Variants in TENM3 observed in about 807,000 individuals in gnomAD.
TENM3 encodes teneurin transmembrane protein 3, also known as teneurin-3.
Under a neutral mutation model 255.1 loss-of-function variants are expected in TENM3, and 63 were observed. That is an observed-to-expected ratio of 0.25 (90% confidence interval 0.20 to 0.30). The LOEUF (loss-of-function observed/expected upper bound fraction) is 0.30, where lower values mean the gene tolerates loss of function less well. TENM3 is among the 10% of genes least tolerant of loss of function. The probability of loss-of-function intolerance (pLI) is 1.00; values close to 1 mark genes in which losing one functional copy is unlikely to be tolerated. For synonymous variants in TENM3, 1,306 were observed against 1,322.3 expected (o/e 0.99, Z 0.27); for missense variants, 2,929 against 3,461.1 (o/e 0.85, Z 3.86).
At chr4:182,741,596 T>A (rs539533294) in intron 18 of TENM3, among the ~76,000 whole-genome samples, 2 of 152,234 alleles carry the variant, frequency 1.3e-5, no homozygotes, top group Non-Finnish European at 2.9e-5. Context: ...CTGGCTCTTA[T>A]AGGAAATTAT....
chr4:181,677,657 A>G, the TENM3 span, among the ~76,000 whole-genome samples: 1 of 152,060 alleles, frequency 6.6e-6, no homozygotes, highest in African/African-American at 2.4e-5. Context: ...GTGCTTCTCT[A>G]AAAGCTCAAA....
At chr4:181,703,805 T>TG in the TENM3 span, among the ~76,000 whole-genome samples, 1 of 152,066 alleles carries the variant, frequency 6.6e-6, no homozygotes, top group Non-Finnish European at 1.5e-5. Flanking sequence ...GAGTTTTTTT[T>TG]TCTTTTTCCT....
At chr4:182,610,809 T>G (rs1252715241) in intron 4 of TENM3, among the ~76,000 whole-genome samples, 1 of 150,458 alleles carries the variant, frequency 6.6e-6, no homozygotes, top group African/African-American at 2.4e-5. Flanking sequence ...AGTGGTATGA[T>G]CACAGCTCAC....
chr4:182,246,737 G>T (rs1027306138), intron 1 of TENM3, among the ~76,000 whole-genome samples: 1 of 152,216 alleles, frequency 6.6e-6, no homozygotes, highest in African/African-American at 2.4e-5. Flanking sequence ...TAGGTTCCAG[G>T]GCGGGGGCGT....
At chr4:182,366,345 T>C (rs1766429734) in intron 3 of TENM3, among the ~76,000 whole-genome samples, 1 of 151,802 alleles carries the variant, frequency 6.6e-6, no homozygotes, top group Non-Finnish European at 1.5e-5. Flanking sequence ...ATTATATTTT[T>C]TCTTTATTTA....
At position 182,616,017 on chromosome 4, in the gene TENM3, T is replaced by TG. The variant is rs1561006985; in HGVS notation, c.750-12630dup. Among the ~76,000 whole-genome samples the TG allele has an allele frequency of 3.9e-5, 6 of 152,346 alleles. No homozygotes were observed. The East Asian group carries it at 1.2e-3, about 29-fold the overall frequency. On this transcript the variant is annotated intron_variant, in intron 4 of 27. Transcript: ENST00000511685. ...TTCCTGGAGCAGCCCCGTCAGTTGC[T>TG]GGGGTTTCACCCCAGACCTACTGTT...
intron 3 of TENM3, among the ~76,000 whole-genome samples, chr4:182,573,571 A>G (rs921719705): frequency 1.3e-5 from 2 of 152,146 alleles, no homozygotes; most frequent in African/African-American, 4.8e-5. Context: ...AATTCAGTAT[A>G]TTTGTATTTT....
At chr4:182,233,591 A>C (rs1419402071) in intron 1 of TENM3, among the ~76,000 whole-genome samples, 8 of 152,196 alleles carry the variant, frequency 5.3e-5, no homozygotes, top group Non-Finnish European at 1.0e-4. Context: ...AATTCACAGA[A>C]GTTTGGATTC....
At chr4:181,448,151 GTAA>G in the TENM3 span, among the ~76,000 whole-genome samples, 33 of 114,760 alleles carry the variant, frequency 2.9e-4, no homozygotes, top group Middle Eastern at 0.022. Flanking sequence ...TTGAAATCCA[GTAA>G]TTTTTTTTTT....
chr4:181,570,994 C>A, the TENM3 span, among the ~76,000 whole-genome samples: 1 of 152,188 alleles, frequency 6.6e-6, no homozygotes, highest in Non-Finnish European at 1.5e-5. Flanking sequence ...ACTGAGCCAA[C>A]GTGGCCAGCT....
In TENM3 at chr4:182,473,148, A is replaced by G. The variant is rs186140414; in HGVS notation, c.511+126219A>G. Among the ~76,000 whole-genome samples, 137 of 152,318 alleles carry G rather than the reference A, an allele frequency of 9.0e-4. 2 individuals carry two copies. Among genetic ancestry groups the G allele is most frequent in the Admixed American group, 7.8e-3 (120 of 15,296 alleles). ...ATTTCCTGGAATATTTTAATATAAT[A>G]TACCTTTATTCTTGAAATTCCTTTA... On this transcript the variant is annotated intron_variant, in intron 3 of 27. Transcript: ENST00000511685.
At chr4:181,962,145 T>A in the TENM3 span, among the ~76,000 whole-genome samples, 5 of 152,230 alleles carry the variant, frequency 3.3e-5, no homozygotes, top group African/African-American at 1.2e-4. Context: ...CTAGCTAACA[T>A]AAATTAGACA....
chr4:182,048,621 T>C, the TENM3 span, among the ~76,000 whole-genome samples: 9 of 152,304 alleles, frequency 5.9e-5, no homozygotes, highest in South Asian at 1.9e-3. Flanking sequence ...AAGGATATGT[T>C]TTTGTACCTC....
At chr4:182,049,256 A>G in the TENM3 span, among the ~76,000 whole-genome samples, 1 of 152,210 alleles carries the variant, frequency 6.6e-6, no homozygotes, top group Non-Finnish European at 1.5e-5. Context: ...GTAGATTTAT[A>G]TAAAGTGCAA....
At chr4:182,591,361 C>T (rs949658658) in intron 3 of TENM3, among the ~76,000 whole-genome samples, 2 of 152,192 alleles carry the variant, frequency 1.3e-5, no homozygotes, top group African/African-American at 4.8e-5. Context: ...CCAGTAAGTA[C>T]AGTGAATCAC....
the TENM3 span, among the ~76,000 whole-genome samples, chr4:181,834,696 T>C: frequency 6.6e-6 from 1 of 152,158 alleles, no homozygotes; most frequent in African/African-American, 2.4e-5. Flanking sequence ...CTTCAAGAGA[T>C]GGAAAGTCAG....
chr4:182,068,616 C>A, the TENM3 span, among the ~76,000 whole-genome samples: 24 of 151,992 alleles, frequency 1.6e-4, no homozygotes, highest in Admixed American at 1.1e-3. Flanking sequence ...AGAATTATAT[C>A]ATAAAAGAAT....
the TENM3 span, among the ~76,000 whole-genome samples, chr4:181,582,865 GA>G: frequency 6.6e-6 from 1 of 152,134 alleles, no homozygotes; most frequent in Admixed American, 6.5e-5. Flanking sequence ...TGTAAGGTAG[GA>G]AGGATGTTGT....
At chr4:181,711,279 A>C in the TENM3 span, among the ~76,000 whole-genome samples, 31 of 152,288 alleles carry the variant, frequency 2.0e-4, no homozygotes, top group Non-Finnish European at 4.4e-5. Flanking sequence ...TAAAAATACC[A>C]TCATTTGGTC....
Sources: gnomAD v4.1 joint callset for allele counts (sites outside exome capture counted in the v4.1 genomes callset) on GRCh38, gnomAD v4.1.1 for gene constraint, MANE v1.5 for transcripts, NCBI Gene and HGNC (gene_info 2026-07-23, HGNC 2026-07-21) for gene names.